Variants in ZNF827 observed in about 807,000 individuals in gnomAD.
ZNF827 encodes the protein zinc finger protein 827.
ZNF827 carries 13 observed loss-of-function variants against 102.4 expected under a neutral mutation model. That is an observed-to-expected ratio of 0.13 (90% confidence interval 0.08 to 0.20). ZNF827 has a LOEUF of 0.20. Among genes scored for constraint, ZNF827 ranks in the 10% least tolerant of loss-of-function variants. The pLI is 1.00. For synonymous variants in ZNF827, 523 were observed against 536.2 expected, an observed-to-expected ratio of 0.98 and a Z score of 0.34; for missense variants, 1,103 against 1,344.4, an observed-to-expected ratio of 0.82 and a Z score of 2.81.
intron 4 of ZNF827, among the ~76,000 whole-genome samples, chr4:145,879,026 T>C (rs1231498261): frequency 6.6e-6 from 1 of 151,938 alleles, no homozygotes; most frequent in Admixed American, 6.6e-5. Context: ...GATTAGTGAC[T>C]GAAAGTGCAT....
rs192884646 is a variant in ZNF827 at position 145,898,629 on chromosome 4, G to A, written c.1093+3537C>T. On this transcript the variant is annotated intron_variant, in intron 2 of 14. Coordinates refer to ENST00000508784, the MANE Select transcript of ZNF827 (RefSeq NM_001306215.2). ...TATCGTGTCCCCTTTCAGAGGAGCCGTGTAGCATGTGCTGGGGGCGCAGGG... is the reference window on the plus strand; with the variant it reads ...TATCGTGTCCCCTTTCAGAGGAGCCATGTAGCATGTGCTGGGGGCGCAGGG... 2.9e-4 allele frequency among the ~76,000 whole-genome samples: 44 copies of A among 152,300 alleles called. No homozygotes were observed. The East Asian group carries it at 6.2e-3, about 21-fold the overall frequency.
chr4:145,880,327 G>A (rs940116301), intron 4 of ZNF827, among the ~76,000 whole-genome samples: 1 of 152,234 alleles, frequency 6.6e-6, no homozygotes. Context: ...TCTGTAAAAT[G>A]GGAATACTTA....
intron 1 of ZNF827, among the ~76,000 whole-genome samples, chr4:145,906,004 C>T (rs1218390392): frequency 1.3e-5 from 2 of 152,144 alleles, no homozygotes; most frequent in Non-Finnish European, 2.9e-5. Context: ...AACAGCATAC[C>T]TAAAATCTAG....
intron 1 of ZNF827, among the ~76,000 whole-genome samples, chr4:145,923,602 C>CA (rs939764214): frequency 2.7e-5 from 4 of 150,464 alleles, no homozygotes; most frequent in Non-Finnish European, 4.4e-5. Context: ...GACTCCATCT[C>CA]AAAAAAAAAG....
At chr4:145,881,703 C>A (rs971203357) in intron 4 of ZNF827, among the ~76,000 whole-genome samples, 11 of 152,158 alleles carry the variant, frequency 7.2e-5, no homozygotes, top group Non-Finnish European at 1.6e-4. Flanking sequence ...CACAAGGAAA[C>A]ACCTGGGGCT....
At chr4:145,924,538 G>A (rs980123186) in intron 1 of ZNF827, among the ~76,000 whole-genome samples, 3 of 152,194 alleles carry the variant, frequency 2.0e-5, no homozygotes, top group African/African-American at 7.2e-5. Context: ...CTGCAGCACT[G>A]GCCCTGAGAA....
At chr4:145,910,663 AG>A (rs1465258837) in intron 1 of ZNF827, among the ~76,000 whole-genome samples, 1 of 152,192 alleles carries the variant, frequency 6.6e-6, no homozygotes, top group African/African-American at 2.4e-5. Flanking sequence ...CAGCAGCCAA[AG>A]TAAGTTCTCA....
intron 5 of ZNF827, among the ~76,000 whole-genome samples, chr4:145,855,202 A>G (rs1561003130): frequency 6.6e-6 from 1 of 152,250 alleles, no homozygotes; most frequent in Non-Finnish European, 1.5e-5. Context: ...ACTGCATGCT[A>G]TCATGATTTG....
At chr4:145,824,724 C>A (rs1743497929) in intron 7 of ZNF827, among the ~76,000 whole-genome samples, 1 of 152,170 alleles carries the variant, frequency 6.6e-6, no homozygotes, top group South Asian at 2.1e-4. Context: ...CACTACCCCC[C>A]ACCACTCCCC....
chr4:145,937,647 G>C (rs1031102207), intron 1 of ZNF827, among the ~76,000 whole-genome samples: 1 of 144,968 alleles, frequency 6.9e-6, no homozygotes, highest in Non-Finnish European at 1.5e-5. Context: ...GTTTGTGTGC[G>C]GTGCCCCTAC....
intron 5 of ZNF827, among the ~76,000 whole-genome samples, chr4:145,867,842 A>G (rs937319137): frequency 6.6e-6 from 1 of 152,206 alleles, no homozygotes; most frequent in Non-Finnish European, 1.5e-5. Flanking sequence ...GCCCTGTCCA[A>G]CTACACAGAC....
intron 11 of ZNF827, among the ~76,000 whole-genome samples, chr4:145,772,957 C>G (rs1736510955): frequency 6.6e-6 from 1 of 152,156 alleles, no homozygotes; most frequent in Non-Finnish European, 1.5e-5. Flanking sequence ...GATGACAAGT[C>G]CAGCTTCTGC....
Position 145,886,053 on chromosome 4 carries a change from A to G in ZNF827, c.1372T>C (p.Phe458Leu), listed in dbSNP as rs754177170. ...TTCACCTTGGCTTCTGTCCTCAGGA[A>G]GTGCTGATGGCAACGCATGTGGAGT... ...LKLHMRCHQH[F>L]LRTEAKVKEE... Residue 458 changes from phenylalanine (F) to leucine (L), a missense_variant, in exon 4 of 15, where the codon TTC becomes CTC. Physicochemically the swap from Phe to Leu is conservative, Grantham distance 22 (BLOSUM62 0). Coordinates refer to ENST00000508784, the MANE Select transcript of ZNF827 (RefSeq NM_001306215.2). The G allele has an allele frequency of 9.9e-6, 16 of 1,614,186 alleles. No homozygotes were observed. The highest frequency in any genetic ancestry group is 1.4e-5 in the Non-Finnish European group (16 of 1,180,018).
chr4:145,870,348 T>A lies in ZNF827; in HGVS notation c.1878A>T (p.Pro626=). 1 of 1,614,140 alleles carries A rather than the reference T, an allele frequency of 6.2e-7. No homozygotes were observed. Among genetic ancestry groups the A allele is most frequent in the Non-Finnish European group, 8.5e-7 (1 of 1,180,012 alleles). ...VFSPESEVSA[P]GVSEDALKPQ... ...GCTTTAGTGCGTCCTCAGAGACGCC[T>A]GGGGCTGACACTTCAGATTCCGGGC... is the stretch of plus-strand genomic sequence containing the variant. The change falls in exon 5 of 15, where the codon CCA becomes CCT. Residue 626 remains proline, a synonymous_variant. Coordinates refer to ENST00000508784, the MANE Select transcript of ZNF827 (RefSeq NM_001306215.2).
intron 1 of ZNF827, among the ~76,000 whole-genome samples, chr4:145,928,255 A>C (rs528153152): frequency 1.3e-5 from 2 of 152,188 alleles, no homozygotes; most frequent in African/African-American, 4.8e-5. Flanking sequence ...CAAATGAATC[A>C]CATCACCCAG....
chr4:145,878,999 C>G (rs1270632068), intron 4 of ZNF827, among the ~76,000 whole-genome samples: 1 of 151,434 alleles, frequency 6.6e-6, no homozygotes, highest in Non-Finnish European at 1.5e-5. Flanking sequence ...ATTTTGAAGA[C>G]ACAAAAAATT....
At chr4:145,783,312 T>C (rs192856897) in intron 8 of ZNF827, among the ~76,000 whole-genome samples, 250 of 152,356 alleles carry the variant, frequency 1.6e-3, no homozygotes, top group African/African-American at 5.8e-3. Context: ...TCTTATTTTA[T>C]AGTAGGAAAG....
chr4:145,818,462 C>A (rs530222540), intron 8 of ZNF827, among the ~76,000 whole-genome samples: 54 of 152,146 alleles, frequency 3.5e-4, no homozygotes, highest in Non-Finnish European at 6.3e-4. Context: ...TTTAATAGAT[C>A]CTTGAAAACT....
chr4:145,935,597 G>GT (rs1486473165), intron 1 of ZNF827, among the ~76,000 whole-genome samples: 1 of 152,230 alleles, frequency 6.6e-6, no homozygotes, highest in Non-Finnish European at 1.5e-5. Flanking sequence ...CTTTTACGGT[G>GT]TTTCCAAAGG....
Sources: gnomAD v4.1 joint callset for allele counts (sites outside exome capture counted in the v4.1 genomes callset) on GRCh38, gnomAD v4.1.1 for gene constraint, MANE v1.5 for transcripts, NCBI Gene and HGNC (gene_info 2026-07-23, HGNC 2026-07-21) for gene names.